ZNF503: variants seen among roughly 807,000 people sequenced by gnomAD.
The protein encoded by ZNF503 is zinc finger protein 503.
ZNF503 carries 15 observed loss-of-function variants against 34.4 expected under a neutral mutation model. That is an observed-to-expected ratio of 0.44 (90% CI 0.29 to 0.67). ZNF503 has a LOEUF of 0.67. Ranked by LOEUF, ZNF503 falls within the 30% of genes least tolerant of loss-of-function variation. The pLI, the probability that ZNF503 is intolerant of heterozygous loss-of-function variation, is 0.13. For synonymous variants in ZNF503, 580 were observed against 456.8 expected (o/e 1.27, Z -3.44); for missense variants, 1,007 against 926.8 (o/e 1.09, Z -1.12).
chr10:75,364,127 T>C, the ZNF503 span, among the ~76,000 whole-genome samples: 2 of 152,360 alleles, frequency 1.3e-5, no homozygotes, highest in South Asian at 4.1e-4. Context: ...ATATTGACTT[T>C]TTAAAAAATT....
rs749715350 is a variant in ZNF503, at chr10:75,399,926, T to C, written c.764A>G (p.Lys255Arg). The change falls in exon 2 of 2, where the codon AAG becomes AGG. Residue 255 changes from lysine to arginine, a missense_variant. Lys to Arg is a conservative substitution (Grantham distance 26). Coordinates refer to ENST00000372524, the MANE Select transcript of ZNF503 (RefSeq NM_032772.6). ...AGGAPEGKDD[K>R]KDTDVGGGGK... ...ACCGCCGCCCACGTCGGTGTCTTTC[T>C]TGTCGTCCTTGCCCTCCGGGGCACC... The C allele has an allele frequency of 1.1e-5, 17 of 1,606,372 alleles. No individual in the cohort carries two copies. Among genetic ancestry groups the C allele is most frequent in the Non-Finnish European group, 1.4e-5 (16 of 1,179,184 alleles).
the ZNF503 span, among the ~76,000 whole-genome samples, chr10:75,315,588 T>C: frequency 1.3e-5 from 2 of 151,948 alleles, no homozygotes; most frequent in Non-Finnish European, 2.9e-5. Context: ...CTATAGTAGA[T>C]ACACAAACAA....
At chr10:75,368,399 T>G in the ZNF503 span, among the ~76,000 whole-genome samples, 1 of 152,040 alleles carries the variant, frequency 6.6e-6, no homozygotes, top group South Asian at 2.1e-4. Flanking sequence ...ATCTTTAACA[T>G]TAAAGATCCA....
chr10:75,339,147 C>T, the ZNF503 span, among the ~76,000 whole-genome samples: 1 of 152,258 alleles, frequency 6.6e-6, no homozygotes. Context: ...AGGAGAATTG[C>T]TTGAACCTGG....
the ZNF503 span, among the ~76,000 whole-genome samples, chr10:75,309,203 G>T: frequency 6.6e-6 from 1 of 152,212 alleles, no homozygotes; most frequent in Admixed American, 6.6e-5. Flanking sequence ...ACTACTCTCA[G>T]TGAAGATGCT....
the ZNF503 span, among the ~76,000 whole-genome samples, chr10:75,353,875 G>T: frequency 6.6e-6 from 1 of 152,212 alleles, no homozygotes; most frequent in African/African-American, 2.4e-5. Context: ...ATAAGCAATA[G>T]ATGCGAGAGT....
rs1376362747 is a variant in ZNF503 at position 75,401,587 on chromosome 10, G to A, written c.-168C>T. 1 of 763,564 alleles carries A rather than the reference G, an allele frequency of 1.3e-6. No homozygotes were observed. The highest frequency in any genetic ancestry group is 2.1e-6 in the Non-Finnish European group (1 of 480,124). The allele number at this position is 763,564 out of a possible 1,614,324, so 47.3% of individuals were successfully genotyped here. A position where few individuals can be genotyped will look rare whatever the true frequency, so the allele number is the denominator to read the frequency against. ...TCTCGGCGCCTGGAGCCAGACGCGA[G>A]TAATCCTGGGTGGCCCGCAGCGGAG... On this transcript the variant is annotated 5_prime_UTR_variant, in exon 1 of 2. Transcript: ENST00000372524.
chr10:75,336,468 G>A, the ZNF503 span, among the ~76,000 whole-genome samples: 3 of 151,978 alleles, frequency 2.0e-5, no homozygotes, highest in African/African-American at 7.3e-5. Flanking sequence ...TTAGAAGTGA[G>A]GCACATTTGC....
chr10:75,387,014 C>A, the ZNF503 span, among the ~76,000 whole-genome samples: 1 of 152,378 alleles, frequency 6.6e-6, no homozygotes, highest in East Asian at 1.9e-4. Context: ...ATTGCCTCCA[C>A]GCCTAAGATA....
chr10:75,294,466 T>C, the ZNF503 span, among the ~76,000 whole-genome samples: 823 of 152,242 alleles, frequency 5.4e-3, 6 homozygotes, highest in African/African-American at 0.019. Flanking sequence ...TTCATGTAAA[T>C]GATTGTATTA....
chr10:75,319,491 A>T, the ZNF503 span, among the ~76,000 whole-genome samples: 51 of 152,336 alleles, frequency 3.3e-4, no homozygotes, highest in Non-Finnish European at 6.0e-4. Context: ...AAAAAGCTAT[A>T]CAAAGAGTTA....
the ZNF503 span, among the ~76,000 whole-genome samples, chr10:75,317,521 G>A: frequency 3.8e-4 from 57 of 149,458 alleles, no homozygotes; most frequent in Non-Finnish European, 6.5e-4. Flanking sequence ...TCTTGACCTC[G>A]TGATCCGCCT....
the ZNF503 span, among the ~76,000 whole-genome samples, chr10:75,324,233 C>A: frequency 6.6e-6 from 1 of 151,764 alleles, no homozygotes; most frequent in Non-Finnish European, 1.5e-5. Flanking sequence ...TGCTTAGGGT[C>A]ATGATTATTT....
the ZNF503 span, among the ~76,000 whole-genome samples, chr10:75,386,076 C>T: frequency 3.3e-5 from 5 of 152,220 alleles, no homozygotes; most frequent in Admixed American, 6.5e-5. Context: ...ATCCATTCCC[C>T]CATTTCCCCT....
At chr10:75,349,705 CA>C in the ZNF503 span, among the ~76,000 whole-genome samples, 2 of 152,222 alleles carry the variant, frequency 1.3e-5, no homozygotes. Flanking sequence ...CGGCTGGTAC[CA>C]CTGGAAGAAG....
At chr10:75,306,252 G>A in the ZNF503 span, among the ~76,000 whole-genome samples, 1,481 of 152,274 alleles carry the variant, frequency 9.7e-3, 33 homozygotes, top group African/African-American at 0.034. Flanking sequence ...TGTGAGGGTA[G>A]TATCTCATTG....
At chr10:75,384,357 AACAC>A in the ZNF503 span, among the ~76,000 whole-genome samples, 5 of 151,944 alleles carry the variant, frequency 3.3e-5, no homozygotes, top group Non-Finnish European at 5.9e-5. Flanking sequence ...CAAATTCACA[AACAC>A]ACACACACTC....
the ZNF503 span, among the ~76,000 whole-genome samples, chr10:75,386,152 C>G: frequency 2.0e-4 from 30 of 152,230 alleles, no homozygotes; most frequent in Non-Finnish European, 2.9e-4. Context: ...TCTCTTGCAG[C>G]TGGGTGTAGC....
In ZNF503 at chr10:75,399,218, G is replaced by A; in HGVS notation, c.1472C>T (p.Thr491Ile). The stretch of plus-strand genomic sequence containing the variant: ...GGGGTGGCCGGCCAGGGAGGGCGGT[G>A]TGGCGCCAGCAGCCGCGGCGGCCGT... ...SLTAAAAAGATPPSLAGHPLY... is the reference protein window; with the variant it reads ...SLTAAAAAGAIPPSLAGHPLY... Residue 491 changes from threonine to isoleucine, a missense_variant, in exon 2 of 2, where the codon ACA (threonine) becomes ATA (isoleucine). By Grantham distance (89) the Thr-to-Ile change is moderately conservative. Transcript: ENST00000372524. The A allele has an allele frequency of 1.3e-6, 2 of 1,594,262 alleles. No homozygotes were observed. The highest frequency in any genetic ancestry group is 1.7e-6 in the Non-Finnish European group (2 of 1,169,080).
Sources: allele counts gnomAD v4.1 joint callset (sites outside exome capture counted in the v4.1 genomes callset), GRCh38; gene constraint gnomAD v4.1.1; transcripts MANE v1.5; gene names NCBI Gene and HGNC (gene_info 2026-07-23, HGNC 2026-07-21).